The following PLAAT5 variants were observed in gnomAD, a reference collection of about 807,000 sequenced individuals.
PLAAT5 encodes the protein Ca(2+)-independent N-acyltransferase.
PLAAT5 carries 27 observed loss-of-function variants against 27.8 expected under a neutral mutation model. The ratio of observed to expected loss-of-function variants is 0.97; its 90% CI spans 0.72 to 1.34. The LOEUF (loss-of-function observed/expected upper bound fraction) is 1.34. Ranked by LOEUF, PLAAT5 falls within the 40% of genes most tolerant of loss-of-function variation. The pLI is 0.00. For synonymous variants in PLAAT5, 125 were observed against 136.1 expected (o/e 0.92, Z 0.57); for missense variants, 368 against 343.8 (o/e 1.07, Z -0.56).
chr11:63,487,343 T>G (rs1206984677), intron 3 of PLAAT5, among the ~76,000 whole-genome samples: 1 of 152,178 alleles, frequency 6.6e-6, no homozygotes, highest in East Asian at 1.9e-4. Flanking sequence ...TCAACATTAT[T>G]AGTCATTAGG....
At chr11:63,483,802 TA>T (rs1345080497) in intron 3 of PLAAT5, among the ~76,000 whole-genome samples, 1 of 7,824 alleles carries the variant, frequency 1.3e-4, no homozygotes, top group Non-Finnish European at 2.1e-4. Flanking sequence ...TATATATATG[TA>T]TATATATATA....
chr11:63,488,930 C>T lies in PLAAT5; in HGVS notation c.286G>A (p.Asp96Asn), dbSNP rs745668734. The T allele has an allele frequency of 2.5e-6, 4 of 1,613,884 alleles. No homozygotes were observed. The highest frequency in any genetic ancestry group is 1.7e-5 in the Admixed American group (1 of 60,008). ...TCAGGCTTTGGAATTGAACTCCAGTCTGCTTTCTGGCTGGGTGTGGTCTCC... is the reference window on the plus strand; with the variant it reads ...TCAGGCTTTGGAATTGAACTCCAGTTTGCTTTCTGGCTGGGTGTGGTCTCC... ...SLETTPSQKA[D>N]WSSIPKPENE... is the part of the protein sequence containing the mutation. The change falls in exon 3 of 6, where the codon GAC becomes AAC. Residue 96 changes from aspartate (D) to asparagine (N), a missense_variant. Asp to Asn is a conservative substitution (Grantham distance 23, BLOSUM62 1). Coordinates refer to ENST00000540857, the MANE Select transcript of PLAAT5 (RefSeq NM_001146729.2).
chr11:63,473,694 TA>T lies in PLAAT5; in HGVS notation c.346-5230del, dbSNP rs538906048. On this transcript the variant is annotated intron_variant, in intron 3 of 5. Coordinates refer to ENST00000540857, the MANE Select transcript of PLAAT5 (RefSeq NM_001146729.2). The stretch of plus-strand genomic sequence containing the variant: ...TTTGTCCTTTACTCTATTAACATGA[TA>T]TTTTTTTGTTGTTTTTTTTTTTTTT... Among the ~76,000 whole-genome samples, 59 of 150,704 alleles carry T rather than the reference TA, an allele frequency of 3.9e-4. No individual in the cohort carries two copies. The South Asian group carries it at 8.7e-3, about 22-fold the overall frequency.
In PLAAT5 at chr11:63,468,437, A is replaced by G; in HGVS notation, c.374T>C (p.Leu125Pro). 6.2e-7 allele frequency: 1 copy of G among 1,614,136 alleles called. No homozygotes were observed. Among genetic ancestry groups the G allele is most frequent in the Non-Finnish European group, 8.5e-7 (1 of 1,179,972 alleles). The stretch of plus-strand genomic sequence containing the variant: ...ATAGCCAATTCGAAAAATCTCAATC[A>G]GGTCTCCAGGTCTGGGTCTTGGTTT... ...EGKPRPRPGD[L>P]IEIFRIGYEH... is the part of the protein sequence containing the mutation. The change falls in exon 4 of 6, where the codon CTG becomes CCG. Residue 125 changes from leucine to proline, a missense_variant. By Grantham distance (98) the Leu-to-Pro change is moderately conservative. Coordinates refer to ENST00000540857, the MANE Select transcript of PLAAT5 (RefSeq NM_001146729.2).
chr11:63,482,038 C>A (rs1366751105), intron 3 of PLAAT5, among the ~76,000 whole-genome samples: 1 of 151,782 alleles, frequency 6.6e-6, no homozygotes, highest in African/African-American at 2.4e-5. Flanking sequence ...CACATGTACC[C>A]TAAAACTTAA....
intron 3 of PLAAT5, among the ~76,000 whole-genome samples, chr11:63,475,084 A>G (rs7944411): frequency 0.19 from 28,347 of 152,000 alleles, 5,677 homozygotes; most frequent in African/African-American, 0.51. Flanking sequence ...GAGGGTCTAC[A>G]CTGGAAAACA....
At chr11:63,464,686 C>T (rs1016301153) in intron 5 of PLAAT5, among the ~76,000 whole-genome samples, 1 of 152,076 alleles carries the variant, frequency 6.6e-6, no homozygotes, top group Admixed American at 6.6e-5. Context: ...ATAATAAATG[C>T]TTTCTCTGCT....
At chr11:63,490,678 A>T in intron 1 of PLAAT5, 2 of 622,604 alleles carry the variant, frequency 3.2e-6, no homozygotes, top group South Asian at 2.0e-5. Flanking sequence ...CCTCACTTCC[A>T]TATGAGATAT....
At chr11:63,470,846 C>T (rs2016005175) in intron 3 of PLAAT5, 1 of 152,058 alleles carries the variant, frequency 6.6e-6, no homozygotes, top group Admixed American at 6.6e-5. Context: ...AATGTAATTA[C>T]TGTAAAAAAA....
At chr11:63,473,003 G>C (rs760881296) in intron 3 of PLAAT5, among the ~76,000 whole-genome samples, 4 of 152,062 alleles carry the variant, frequency 2.6e-5, no homozygotes, top group African/African-American at 4.8e-5. Flanking sequence ...CCAGTTACTT[G>C]GGAGGCTGAG....
At position 63,462,638 on chromosome 11, in the gene PLAAT5, GTT is replaced by G. The variant is rs2015747605; in HGVS notation, c.*863_*864del. The G allele has an allele frequency of 6.6e-6, 1 of 151,984 alleles. No homozygotes were observed. Among genetic ancestry groups the G allele is most frequent in the Admixed American group, 6.5e-5 (1 of 15,278 alleles). 9.4% of individuals were successfully genotyped at this position (151,984 alleles called of 1,614,324 possible). ...AACACTTTTCTAGCTTTTTTGGGTG[GTT>G]TCAGCTACCAGCTATCACTACAATC... On this transcript the variant is annotated 3_prime_UTR_variant, in exon 6 of 6. Coordinates refer to ENST00000540857, the MANE Select transcript of PLAAT5 (RefSeq NM_001146729.2).
intron 3 of PLAAT5, among the ~76,000 whole-genome samples, chr11:63,475,094 A>G (rs1260228387): frequency 6.6e-6 from 1 of 152,092 alleles, no homozygotes; most frequent in African/African-American, 2.4e-5. Context: ...ACTGGAAAAC[A>G]CTCATGTGTG....
chr11:63,469,106 G>A (rs1245898083), intron 3 of PLAAT5, among the ~76,000 whole-genome samples: 1 of 69,212 alleles, frequency 1.4e-5, no homozygotes, highest in African/African-American at 5.5e-5. Flanking sequence ...CTATTATCGT[G>A]TGTGTGTGTG....
rs536075235 is a variant in PLAAT5 at position 63,469,735 on chromosome 11, C to T, written c.346-1270G>A. 310 of 159,582 alleles carry T rather than the reference C, an allele frequency of 1.9e-3. 1 individual carries two copies. Among genetic ancestry groups the T allele is most frequent in the African/African-American group, 6.9e-3 (288 of 41,524 alleles). 9.9% of individuals were successfully genotyped at this position (159,582 alleles called of 1,614,324 possible). A position where few individuals can be genotyped will look rare whatever the true frequency, so the allele number is the denominator to read the frequency against. On this transcript the variant is annotated intron_variant, in intron 3 of 5. Coordinates refer to ENST00000540857, the MANE Select transcript of PLAAT5 (RefSeq NM_001146729.2). ...TATGTGAAAGTCTCTAGCAAATTTT[C>T]GAATTCAAATAGACATAAGACATGG...
chr11:63,475,986 A>G (rs1409993052), intron 3 of PLAAT5, among the ~76,000 whole-genome samples: 4 of 152,088 alleles, frequency 2.6e-5, no homozygotes, highest in African/African-American at 9.6e-5. Context: ...TGCTTTATAC[A>G]AATTTTTGTC....
intron 4 of PLAAT5, 34 bp from the exon 5 acceptor site, chr11:63,466,406 ACAAGGAGTAG>A (rs2015868717): frequency 6.2e-7 from 1 of 1,607,010 alleles, no homozygotes; most frequent in Admixed American, 1.7e-5. Context: ...GTTGGGAAAT[ACAAGGAGTAG>A]CAAAGCAGAG....
rs35614311 is a variant in PLAAT5 at position 63,488,675 on chromosome 11, GTT to G, written c.345+194_345+195del. 9.3e-3 allele frequency among the ~76,000 whole-genome samples: 1,323 copies of G among 141,670 alleles called. 27 individuals carry two copies. Among genetic ancestry groups the G allele is most frequent in the African/African-American group, 0.031 (1,219 of 39,322 alleles). The allele number at this position is 141,670 out of a possible 152,430, so 92.9% of individuals were successfully genotyped here. On this transcript the variant is annotated intron_variant, in intron 3 of 5. Coordinates refer to ENST00000540857, the MANE Select transcript of PLAAT5 (RefSeq NM_001146729.2). The stretch of plus-strand genomic sequence containing the variant: ...AAAACATTATGAGACTTTTTTGTGG[GTT>G]TTTTTTTTTTTTAAGCTCAACAGCT...
At chr11:63,489,154 T>A (rs1036667799) in intron 2 of PLAAT5, among the ~76,000 whole-genome samples, 178 bp from the exon 3 acceptor site, 2 of 152,240 alleles carry the variant, frequency 1.3e-5, no homozygotes, top group Non-Finnish European at 2.9e-5. Flanking sequence ...TGCTGTTTGC[T>A]GGTTTTCTGA....
chr11:63,484,637 C>A (rs2016391544), intron 3 of PLAAT5, among the ~76,000 whole-genome samples: 1 of 152,076 alleles, frequency 6.6e-6, no homozygotes, highest in African/African-American at 2.4e-5. Context: ...ATAAAAGGGA[C>A]AAACCTCAAG....
Sources: gnomAD v4.1 joint callset for allele counts (sites outside exome capture counted in the v4.1 genomes callset) on GRCh38, gnomAD v4.1.1 for gene constraint, MANE v1.5 for transcripts, NCBI Gene and HGNC (gene_info 2026-07-23, HGNC 2026-07-21) for gene names.